The following PDZK1 variants were observed in gnomAD, a reference collection of about 807,000 sequenced individuals.
PDZK1 encodes PDZ domain containing 1, also known as Na(+)/H(+) exchange regulatory cofactor NHE-RF3.
In PDZK1, 23 loss-of-function variants were observed where a neutral mutation model predicts 38.1. That is an observed-to-expected ratio of 0.60 (90% CI 0.43 to 0.85). The LOEUF is 0.85. Among genes scored for constraint, PDZK1 ranks in the 40% least tolerant of loss-of-function variants. The pLI is 0.00. For missense variants in PDZK1, 297 were observed against 504.3 expected, an observed-to-expected ratio of 0.59 and a Z score of 3.94; for synonymous variants, 98 against 186.2, an observed-to-expected ratio of 0.53 and a Z score of 3.86.
At chr1:145,685,442 T>G (rs1553701430) in intron 3 of PDZK1, among the ~76,000 whole-genome samples, 1 of 152,218 alleles carries the variant, frequency 6.6e-6, no homozygotes, top group African/African-American at 2.4e-5. Flanking sequence ...GAGTAGAATC[T>G]GAATTATGAT....
chr1:145,699,154 C>T (rs1485435087), intron 1 of PDZK1, among the ~76,000 whole-genome samples: 2 of 152,094 alleles, frequency 1.3e-5, no homozygotes, highest in Non-Finnish European at 2.9e-5. Flanking sequence ...AGGAGAATCA[C>T]TTGAACCCAG....
intron 2 of PDZK1, among the ~76,000 whole-genome samples, chr1:145,687,417 T>C (rs1368273112): frequency 1.4e-5 from 2 of 145,022 alleles, no homozygotes; most frequent in Non-Finnish European, 3.0e-5. Context: ...CCCAGCTACT[T>C]GGGAGGCTGA....
chr1:145,683,977 G>C (rs1245855528), intron 3 of PDZK1, among the ~76,000 whole-genome samples: 1 of 151,726 alleles, frequency 6.6e-6, no homozygotes, highest in Middle Eastern at 3.2e-3. Context: ...CTCTCGAGTA[G>C]CTGGGACTAC....
At chr1:145,701,241 G>C (rs1655943432) in intron 1 of PDZK1, among the ~76,000 whole-genome samples, 1 of 150,590 alleles carries the variant, frequency 6.6e-6, no homozygotes, top group Admixed American at 6.7e-5. Context: ...CTGCTGGTGA[G>C]GAATGTTTAA....
chr1:145,693,708 A>G (rs1396616139), intron 1 of PDZK1, among the ~76,000 whole-genome samples: 1 of 151,370 alleles, frequency 6.6e-6, no homozygotes, highest in Non-Finnish European at 1.5e-5. Flanking sequence ...CGGAAGGCGG[A>G]GCTTGCAGTG....
chr1:145,683,403 C>G, intron 3 of PDZK1, among the ~76,000 whole-genome samples: 1 of 152,226 alleles, frequency 6.6e-6, no homozygotes, highest in East Asian at 1.9e-4. Flanking sequence ...TTTGTAGAAT[C>G]AGAAAGCATC....
At chr1:145,686,765 C>T in intron 2 of PDZK1, 39 bp from the exon 3 acceptor site, 1 of 1,047,946 alleles carries the variant, frequency 9.5e-7, no homozygotes, top group South Asian at 1.6e-5. Context: ...TAATAACCCT[C>T]TGCCAACTGC....
chr1:145,698,579 G>T (rs1553704541), intron 1 of PDZK1, among the ~76,000 whole-genome samples: 1 of 152,126 alleles, frequency 6.6e-6, no homozygotes, highest in African/African-American at 2.4e-5. Context: ...TATACATCAA[G>T]AATAGAAAAG....
At chr1:145,704,598 A>G (rs972721312) in intron 1 of PDZK1, among the ~76,000 whole-genome samples, 11 of 152,200 alleles carry the variant, frequency 7.2e-5, no homozygotes, top group Admixed American at 1.3e-4. Flanking sequence ...AGAGAGCCTG[A>G]TCTAGAGTGC....
intron 6 of PDZK1, among the ~76,000 whole-genome samples, chr1:145,677,164 G>T (rs1553699458): frequency 6.6e-6 from 1 of 152,098 alleles, no homozygotes; most frequent in African/African-American, 2.4e-5. Context: ...ATTTGGATGG[G>T]GCAACCACTT....
chr1:145,703,079 G>A (rs587742686), intron 1 of PDZK1, among the ~76,000 whole-genome samples: 2 of 152,254 alleles, frequency 1.3e-5, no homozygotes, highest in South Asian at 2.1e-4. Flanking sequence ...TTTGTTCCAA[G>A]TGAACGAATT....
chr1:145,672,754 A>G lies in PDZK1; in HGVS notation c.1482T>C (p.His494=). The change falls in exon 8 of 9, where the codon CAT becomes CAC. Residue 494 remains histidine, a synonymous_variant. Transcript: ENST00000417171. ...CCCGTTCTTTTGCCATGTGCGAGTC[A>G]TGGTTTGACTCCACCACTATTCCTT... ...SKEGIVVESN[H]DSHMAKERAH... is the part of the protein sequence containing the mutation. The G allele has an allele frequency of 6.2e-7, 1 of 1,611,952 alleles. No homozygotes were observed. Among genetic ancestry groups the G allele is most frequent in the Non-Finnish European group, 8.5e-7 (1 of 1,179,800 alleles).
At chr1:145,693,402 G>A (rs1270702105) in intron 1 of PDZK1, among the ~76,000 whole-genome samples, 1 of 152,076 alleles carries the variant, frequency 6.6e-6, no homozygotes, top group African/African-American at 2.4e-5. Flanking sequence ...TAGAAAAATC[G>A]ATGCTTAGGC....
chr1:145,688,565 G>C (rs150924068), intron 1 of PDZK1, among the ~76,000 whole-genome samples: 6 of 152,216 alleles, frequency 3.9e-5, no homozygotes, highest in Admixed American at 2.0e-4. Context: ...AATAGGGAGC[G>C]GGATGGGAAG....
At chr1:145,688,683 A>AG (rs1476530731) in intron 1 of PDZK1, among the ~76,000 whole-genome samples, 1 of 152,122 alleles carries the variant, frequency 6.6e-6, no homozygotes, top group Non-Finnish European at 1.5e-5. Context: ...TAAAAAAGGC[A>AG]GGCACAGTGG....
At chr1:145,700,341 C>T (rs1655889652) in intron 1 of PDZK1, among the ~76,000 whole-genome samples, 2 of 152,086 alleles carry the variant, frequency 1.3e-5, no homozygotes, top group African/African-American at 4.8e-5. Context: ...TAAAAGAGTC[C>T]AGGGAGCTTT....
chr1:145,683,588 T>C (rs1287710223), intron 3 of PDZK1, among the ~76,000 whole-genome samples: 1 of 152,176 alleles, frequency 6.6e-6, no homozygotes, highest in Non-Finnish European at 1.5e-5. Flanking sequence ...TCTTCAAAGA[T>C]ATTAATAGAG....
rs1653242803 is a variant in PDZK1, at chr1:145,672,944, A to G, written c.1292T>C (p.Val431Ala). 6.3e-7 allele frequency: 1 copy of G among 1,588,810 alleles called. No individual in the cohort carries two copies. ...DVIIEVNGVN[V>A]LDEPYEKVVD... ...CACCTTCTCATAGGGTTCATCTAGC[A>G]CATTCACCCCATTCACTTCAATGAT... The change falls in exon 8 of 9, where the codon GTG becomes GCG. Residue 431 changes from valine to alanine, a missense_variant. Physicochemically the swap from Val to Ala is moderately conservative, Grantham distance 64. Transcript: ENST00000417171.
intron 3 of PDZK1, among the ~76,000 whole-genome samples, chr1:145,685,918 G>C (rs1259596925): frequency 7.2e-5 from 11 of 152,114 alleles, no homozygotes; most frequent in African/African-American, 2.7e-4. Context: ...GGGCTGAGCC[G>C]CAGCTGAGGG....
Sources: gnomAD v4.1 joint callset for allele counts (sites outside exome capture counted in the v4.1 genomes callset) on GRCh38, gnomAD v4.1.1 for gene constraint, MANE v1.5 for transcripts, NCBI Gene and HGNC (gene_info 2026-07-23, HGNC 2026-07-21) for gene names.